The following NR3C2 variants were observed in gnomAD, a reference collection of about 807,000 sequenced individuals.
NR3C2 encodes the protein nuclear receptor subfamily 3 group C member 2, also known as mineralocorticoid receptor.
Under a neutral mutation model 86.4 loss-of-function variants are expected in NR3C2, and 15 were observed. The ratio of observed to expected loss-of-function variants is 0.17; its 90% CI spans 0.12 to 0.27. The LOEUF (loss-of-function observed/expected upper bound fraction) is 0.27. NR3C2 is among the 10% of genes least tolerant of loss of function. The pLI, the probability that NR3C2 is intolerant of heterozygous loss-of-function variation, is 1.00. For synonymous variants in NR3C2, 458 were observed against 450.5 expected (o/e 1.02, Z -0.21); for missense variants, 960 against 1,195.6 (o/e 0.80, Z 2.91).
At chr4:148,356,209 T>C (rs1057488953) in intron 2 of NR3C2, among the ~76,000 whole-genome samples, 49 of 152,246 alleles carry the variant, frequency 3.2e-4, no homozygotes, top group Non-Finnish European at 6.6e-4. Context: ...TAATAAAGTA[T>C]GATCACTGCA....
intron 2 of NR3C2, among the ~76,000 whole-genome samples, chr4:148,367,860 C>T (rs968689522): frequency 1.3e-5 from 2 of 149,760 alleles, no homozygotes; most frequent in Non-Finnish European, 3.0e-5. Context: ...AAAAGAAATA[C>T]ATTCTCCCTT....
At chr4:148,170,958 A>G (rs2149783863) in intron 4 of NR3C2, among the ~76,000 whole-genome samples, 1 of 152,370 alleles carries the variant, frequency 6.6e-6, no homozygotes, top group African/African-American at 2.4e-5. Flanking sequence ...TGACAAGCAC[A>G]TATCCTGAAT....
chr4:148,131,599 C>G (rs1272323374), intron 6 of NR3C2, among the ~76,000 whole-genome samples: 6 of 152,126 alleles, frequency 3.9e-5, no homozygotes, highest in Non-Finnish European at 4.4e-5. Context: ...GACACCTGTT[C>G]ATTTTTATAG....
intron 4 of NR3C2, among the ~76,000 whole-genome samples, chr4:148,171,975 A>T (rs943151522): frequency 2.6e-5 from 4 of 152,190 alleles, no homozygotes; most frequent in African/African-American, 7.2e-5. Flanking sequence ...GAAACTATGG[A>T]ATCCAATAAT....
intron 4 of NR3C2, 73 bp downstream of exon 4, chr4:148,194,673 G>T: frequency 1.0e-6 from 1 of 996,076 alleles, no homozygotes; most frequent in Non-Finnish European, 1.6e-6. Context: ...TTTCAATTTT[G>T]AGAGTACACA....
intron 4 of NR3C2, among the ~76,000 whole-genome samples, chr4:148,168,093 AG>A (rs1448309360): frequency 6.6e-6 from 1 of 152,194 alleles, no homozygotes; most frequent in Admixed American, 6.6e-5. Flanking sequence ...TTAGCTTCAT[AG>A]AACCATACTC....
intron 2 of NR3C2, among the ~76,000 whole-genome samples, chr4:148,353,973 G>A (rs1373317035): frequency 6.6e-6 from 1 of 152,064 alleles, no homozygotes; most frequent in East Asian, 1.9e-4. Context: ...GTATTACAGA[G>A]CCTGAAAAAT....
intron 2 of NR3C2, among the ~76,000 whole-genome samples, chr4:148,283,180 A>C (rs1292107856): frequency 6.6e-6 from 1 of 152,214 alleles, no homozygotes; most frequent in East Asian, 1.9e-4. Flanking sequence ...CTTTCATAAA[A>C]GTAAGTAAAA....
intron 8 of NR3C2, among the ~76,000 whole-genome samples, chr4:148,104,572 C>T (rs1430409363): frequency 6.6e-6 from 1 of 152,042 alleles, no homozygotes; most frequent in African/African-American, 2.4e-5. Context: ...CTCGATCTCT[C>T]GATGTCTCTT....
chr4:148,270,215 C>T (rs977625834), intron 2 of NR3C2, among the ~76,000 whole-genome samples: 3 of 151,934 alleles, frequency 2.0e-5, no homozygotes, highest in Non-Finnish European at 4.4e-5. Flanking sequence ...CATCTTTTTC[C>T]CCTAGTGTTT....
upstream of NR3C2, chr4:148,444,149 AC>A: frequency 1.0e-6 from 1 of 985,280 alleles, no homozygotes; most frequent in Non-Finnish European, 1.2e-6. Flanking sequence ...GGAGTCCCGG[AC>A]CTAGAGCCTG....
At chr4:148,325,581 T>C (rs542585220) in intron 2 of NR3C2, among the ~76,000 whole-genome samples, 5 of 152,344 alleles carry the variant, frequency 3.3e-5, no homozygotes, top group Non-Finnish European at 7.3e-5. Flanking sequence ...AGGTATTTCA[T>C]ACATGTGATT....
chr4:148,438,651 T>C (rs1478101629), intron 1 of NR3C2, among the ~76,000 whole-genome samples: 6 of 152,146 alleles, frequency 3.9e-5, no homozygotes, highest in Non-Finnish European at 5.9e-5. Flanking sequence ...AGAATATGTA[T>C]TAACATTGAA....
At chr4:148,136,278 C>G (rs1302266245) in intron 6 of NR3C2, among the ~76,000 whole-genome samples, 1 of 150,544 alleles carries the variant, frequency 6.6e-6, no homozygotes, top group African/African-American at 2.5e-5. Context: ...GGCTATAGAG[C>G]AAAAGGAAGG....
rs564648120 is a variant in NR3C2, at chr4:148,352,777, CTTTTTG to C, written c.1757+82321_1757+82326del. Reference sequence around the variant, plus strand: ...TTTTGGAAATGCCAACCATCAGGTTCTTTTTGTTTTTGTTTTTAAGTAGAGAGATGC... The same window carrying C: ...TTTTGGAAATGCCAACCATCAGGTTCTTTTTGTTTTTAAGTAGAGAGATGC... On this transcript the variant is annotated intron_variant, in intron 2 of 8. Transcript: ENST00000358102. 2.3e-3 allele frequency among the ~76,000 whole-genome samples: 353 copies of C among 152,212 alleles called. 9 individuals are homozygous for C. Among genetic ancestry groups the C allele is most frequent in the Admixed American group, 0.021 (325 of 15,264 alleles).
At chr4:148,118,405 G>A (rs568849095) in intron 7 of NR3C2, among the ~76,000 whole-genome samples, 4 of 152,066 alleles carry the variant, frequency 2.6e-5, no homozygotes, top group Admixed American at 1.3e-4. Flanking sequence ...TTCCAATACC[G>A]TACACTCTCC....
chr4:148,301,053 T>A (rs752646709), intron 2 of NR3C2, among the ~76,000 whole-genome samples: 1 of 152,172 alleles, frequency 6.6e-6, no homozygotes. Context: ...TTGTCAGCTA[T>A]ACCTGTTTAT....
intron 4 of NR3C2, among the ~76,000 whole-genome samples, chr4:148,181,867 G>A (rs187554782): frequency 6.6e-6 from 1 of 152,342 alleles, no homozygotes; most frequent in Non-Finnish European, 1.5e-5. Context: ...TGGGTCTAGA[G>A]AAATGGGAAG....
intron 2 of NR3C2, among the ~76,000 whole-genome samples, chr4:148,279,422 A>T (rs1041127472): frequency 2.6e-5 from 4 of 152,216 alleles, no homozygotes; most frequent in African/African-American, 4.8e-5. Context: ...TTATTGGATG[A>T]GCGATAACTA....
Sources: gnomAD v4.1 joint callset for allele counts (sites outside exome capture counted in the v4.1 genomes callset) on GRCh38, gnomAD v4.1.1 for gene constraint, MANE v1.5 for transcripts, NCBI Gene and HGNC (gene_info 2026-07-23, HGNC 2026-07-21) for gene names.